The following RFX2 variants were observed in gnomAD, a reference collection of about 807,000 sequenced individuals.
The protein encoded by RFX2 is regulatory factor X2, also known as DNA-binding protein RFX2.
A neutral mutation model predicts 87.8 loss-of-function variants in RFX2; 20 were observed. The observed-to-expected ratio is 0.23, with a 90% CI of 0.16 to 0.33. The LOEUF (loss-of-function observed/expected upper bound fraction) is 0.33, where lower values mean the gene tolerates loss of function less well. Among genes scored for constraint, RFX2 ranks in the 10% least tolerant of loss-of-function variants. The pLI is 1.00. For missense variants in RFX2, 767 were observed against 1,012.3 expected (o/e 0.76, Z 3.29); for synonymous variants, 397 against 431.3 (o/e 0.92, Z 0.98).
At chr19:6,073,379 G>A (rs2087637274) in intron 1 of RFX2, 3 of 1,279,230 alleles carry the variant, frequency 2.3e-6, no homozygotes, top group Non-Finnish European at 2.2e-6. Context: ...CAGCGTCAAG[G>A]AGCTGGAAGT....
intron 1 of RFX2, among the ~76,000 whole-genome samples, chr19:6,072,532 G>A (rs973460166): frequency 4.6e-5 from 7 of 151,990 alleles, no homozygotes; most frequent in East Asian, 1.9e-4. Context: ...GCGAGACCTC[G>A]TCTCTAGAGA....
intron 4 of RFX2, among the ~76,000 whole-genome samples, chr19:6,041,576 G>A (rs895746148): frequency 4.0e-5 from 6 of 151,212 alleles, no homozygotes; most frequent in Non-Finnish European, 1.5e-5. Context: ...CTCAAAGACT[G>A]AGACTTCAGA....
intron 1 of RFX2, among the ~76,000 whole-genome samples, chr19:6,106,766 A>G (rs991376596): frequency 6.7e-6 from 1 of 150,232 alleles, no homozygotes; most frequent in African/African-American, 2.4e-5. Context: ...AAATGTTTGT[A>G]AATATTTAAA....
At chr19:6,077,041 C>T (rs895276633) in intron 1 of RFX2, 5 of 152,258 alleles carry the variant, frequency 3.3e-5, no homozygotes, top group Admixed American at 1.3e-4. Context: ...TTCCATGAGA[C>T]CTCGGTACAC....
In RFX2 at chr19:6,002,693, G is replaced by A. The variant is rs1449873701; in HGVS notation, c.1650+28C>T. Reference sequence around the variant, plus strand: ...TTTTGCTGGAGGGCGGGAAGCCCGGGCCCTGGGGACGGTGTGGAGGAAGTC... The same window carrying A: ...TTTTGCTGGAGGGCGGGAAGCCCGGACCCTGGGGACGGTGTGGAGGAAGTC... On this transcript the variant is annotated intron_variant, in intron 14 of 17. Coordinates refer to ENST00000303657, the MANE Select transcript of RFX2 (RefSeq NM_000635.4). This position sits in a 1 kb window ranked among gnomAD's most constrained non-coding sequence, Gnocchi z 6.7. 1 of 1,609,742 alleles carries A rather than the reference G, an allele frequency of 6.2e-7. No individual in the cohort carries two copies. Among genetic ancestry groups the A allele is most frequent in the Non-Finnish European group, 8.5e-7 (1 of 1,177,632 alleles).
intron 1 of RFX2, among the ~76,000 whole-genome samples, chr19:6,062,986 C>T (rs1437989689): frequency 1.3e-5 from 2 of 152,158 alleles, no homozygotes; most frequent in Non-Finnish European, 2.9e-5. Flanking sequence ...CCAATGTCAC[C>T]TGTCTGTCCT....
intron 5 of RFX2, among the ~76,000 whole-genome samples, chr19:6,034,163 C>A (rs1301337860): frequency 6.6e-6 from 1 of 151,850 alleles, no homozygotes; most frequent in African/African-American, 2.4e-5. Flanking sequence ...TCAACCTCCC[C>A]CAGCTCAGGT....
Position 5,998,305 on chromosome 19 carries a change from C to G in RFX2, c.1860-1092G>C, listed in dbSNP as rs2086444887. The stretch of plus-strand genomic sequence containing the variant: ...CCTGGGTGACAGAGCAACACTCCAT[C>G]TCAAAAAAAAAGAATGAAGTGGAAC... On this transcript the variant is annotated intron_variant, in intron 15 of 17. Transcript: ENST00000303657. The surrounding 1 kb of genome is among the most constrained non-coding windows in gnomAD (Gnocchi z 4.2). Among the ~76,000 whole-genome samples the G allele has an allele frequency of 2.0e-5, 3 of 151,830 alleles. No homozygotes were observed. The highest frequency in any genetic ancestry group is 7.3e-5 in the African/African-American group (3 of 41,350).
chr19:6,100,460 T>C (rs2088102201), intron 1 of RFX2, among the ~76,000 whole-genome samples: 1 of 152,026 alleles, frequency 6.6e-6, no homozygotes, highest in Admixed American at 6.6e-5. Flanking sequence ...AGGGAGACAA[T>C]ACAGGAAGTG....
At chr19:6,048,215 C>T (rs2144781143) in intron 1 of RFX2, among the ~76,000 whole-genome samples, 1 of 152,320 alleles carries the variant, frequency 6.6e-6, no homozygotes, top group Admixed American at 6.5e-5. Context: ...GATAAAAGTC[C>T]TCACGAATTT....
rs1268320511 is a variant in RFX2 at position 6,002,048 on chromosome 19, T to C, written c.1651-25A>G. 1 of 1,569,628 alleles carries C rather than the reference T, an allele frequency of 6.4e-7. No individual in the cohort carries two copies. The highest frequency in any genetic ancestry group is 8.7e-7 in the Non-Finnish European group (1 of 1,155,924). Reference sequence around the variant, plus strand: ...CCTGTGGGCAGGGCAGAGGCCAGTGTCAGCAATGTGGACCCCCAGCCACGG... The same window carrying C: ...CCTGTGGGCAGGGCAGAGGCCAGTGCCAGCAATGTGGACCCCCAGCCACGG... On this transcript the variant is annotated intron_variant, in intron 14 of 17. Transcript: ENST00000303657. This position sits in a 1 kb window ranked among gnomAD's most constrained non-coding sequence, Gnocchi z 6.7.
At chr19:6,100,428 C>G (rs1416326194) in intron 1 of RFX2, among the ~76,000 whole-genome samples, 1 of 152,140 alleles carries the variant, frequency 6.6e-6, no homozygotes, top group East Asian at 1.9e-4. Flanking sequence ...CGACAGAGCC[C>G]AAGGTCTGTG....
intron 1 of RFX2, among the ~76,000 whole-genome samples, chr19:6,069,568 G>A (rs192083384): frequency 6.6e-6 from 1 of 152,324 alleles, no homozygotes; most frequent in Non-Finnish European, 1.5e-5. Context: ...TTCTGGGGCT[G>A]TCTACCATTT....
At position 6,013,064 on chromosome 19, in the gene RFX2, G is replaced by T; in HGVS notation, c.821C>A (p.Pro274Gln). ...KYHYYGIRLK[P>Q]DSPLNRLQED... is the part of the protein sequence containing the mutation. Reference sequence around the variant, plus strand: ...CTGCAGCCGGTTCAGTGGTGAGTCCGGCTTCAGACGAATCCCATAGTAATG... The same window carrying T: ...CTGCAGCCGGTTCAGTGGTGAGTCCTGCTTCAGACGAATCCCATAGTAATG... Residue 274 changes from proline to glutamine, a missense_variant, in exon 8 of 18, where the codon CCG (proline) becomes CAG (glutamine). Pro to Gln is a moderately conservative substitution (Grantham distance 76). Coordinates refer to ENST00000303657, the MANE Select transcript of RFX2 (RefSeq NM_000635.4). This position sits in a 1 kb window ranked among gnomAD's most constrained non-coding sequence, Gnocchi z 4.1. The T allele has an allele frequency of 6.2e-7, 1 of 1,600,158 alleles. No individual in the cohort carries two copies. Among genetic ancestry groups the T allele is most frequent in the South Asian group, 1.1e-5 (1 of 88,942 alleles).
Position 6,013,191 on chromosome 19 carries a change from C to CTT in RFX2, c.780-88_780-87dup, listed in dbSNP as rs889626638. On this transcript the variant is annotated intron_variant, in intron 7 of 17. Coordinates refer to ENST00000303657, the MANE Select transcript of RFX2 (RefSeq NM_000635.4). This position sits in a 1 kb window ranked among gnomAD's most constrained non-coding sequence, Gnocchi z 4.1. ...TTGGGATTCTTTTTCTTTCTTTCTT[C>CTT]TTTTTTTTTTTTGAGACAGAATCTC... is the stretch of plus-strand genomic sequence containing the variant. 620 of 1,071,336 alleles carry CTT rather than the reference C, an allele frequency of 5.8e-4. No individual in the cohort carries two copies. The highest frequency in any genetic ancestry group is 1.2e-3 in the East Asian group (37 of 30,488). The allele number at this position is 1,071,336 out of a possible 1,614,324, so 66.4% of individuals were successfully genotyped here.
rs916058643 is a variant in RFX2 at position 6,024,070 on chromosome 19, G to A, written c.597+2093C>T. On this transcript the variant is annotated intron_variant, in intron 6 of 17. Coordinates refer to ENST00000303657, the MANE Select transcript of RFX2 (RefSeq NM_000635.4). This position sits in a 1 kb window ranked among gnomAD's most constrained non-coding sequence, Gnocchi z 5.0. ...GCTGGGATTACAGGCGTGAGCCACC[G>A]TGCCCAGCCCATTTTCCCATAGACA... 1.3e-5 allele frequency among the ~76,000 whole-genome samples: 2 copies of A among 152,172 alleles called. No homozygotes were observed. Among genetic ancestry groups the A allele is most frequent in the East Asian group, 1.9e-4 (1 of 5,186 alleles).
At chr19:6,043,763 G>T (rs2087145933) in intron 3 of RFX2, among the ~76,000 whole-genome samples, 1 of 152,244 alleles carries the variant, frequency 6.6e-6, no homozygotes, top group South Asian at 2.1e-4. Context: ...TACTTGGCTG[G>T]TCAGCCGTGC....
rs377545282 is a variant in RFX2 at position 6,022,563 on chromosome 19, C to G, written c.597+3600G>C. Among the ~76,000 whole-genome samples, 5 of 152,216 alleles carry G rather than the reference C, an allele frequency of 3.3e-5. No homozygotes were observed. Among genetic ancestry groups the G allele is most frequent in the African/African-American group, 1.2e-4 (5 of 41,454 alleles). On this transcript the variant is annotated intron_variant, in intron 6 of 17. Coordinates refer to ENST00000303657, the MANE Select transcript of RFX2 (RefSeq NM_000635.4). The surrounding 1 kb of genome is among the most constrained non-coding windows in gnomAD (Gnocchi z 6.2). ...GGTGGCCCCCAGGGGCTGAGGCCGCCTCTTCTGCTCAAGTCGGTGGCCTGC... is the reference window on the plus strand; with the variant it reads ...GGTGGCCCCCAGGGGCTGAGGCCGCGTCTTCTGCTCAAGTCGGTGGCCTGC...
chr19:6,067,799 A>C (rs980073390), intron 1 of RFX2, among the ~76,000 whole-genome samples: 8 of 152,210 alleles, frequency 5.3e-5, no homozygotes, highest in Non-Finnish European at 1.2e-4. Flanking sequence ...CGATGGGTCA[A>C]CATTTTGGAT....
Sources: gnomAD v4.1 joint callset for allele counts (sites outside exome capture counted in the v4.1 genomes callset) on GRCh38, gnomAD v4.1.1 for gene constraint, Gnocchi (gnomAD v3.1) non-coding constraint, MANE v1.5 for transcripts, NCBI Gene and HGNC (gene_info 2026-07-23, HGNC 2026-07-21) for gene names.